ASAP2: variants seen among roughly 807,000 people sequenced by gnomAD.
The protein encoded by ASAP2 is ArfGAP with SH3 domain, ankyrin repeat and PH domain 2, also known as arf-GAP with SH3 domain, ANK repeat and PH domain-containing protein 2.
Under a neutral mutation model 131.4 loss-of-function variants are expected in ASAP2, and 45 were observed. The ratio of observed to expected loss-of-function variants is 0.34; its 90% CI spans 0.27 to 0.44. The LOEUF (loss-of-function observed/expected upper bound fraction) is 0.44, where lower values mean the gene tolerates loss of function less well. Among genes scored for constraint, ASAP2 ranks in the 20% least tolerant of loss-of-function variants. The probability of loss-of-function intolerance (pLI) is 1.00; values close to 1 mark genes in which losing one functional copy is unlikely to be tolerated. For missense variants in ASAP2, 1,011 were observed against 1,297.0 expected (o/e 0.78, Z 3.39); for synonymous variants, 510 against 503.0 (o/e 1.01, Z -0.19).
chr2:9,348,721 T>G (rs1672137195), intron 11 of ASAP2, among the ~76,000 whole-genome samples: 1 of 152,226 alleles, frequency 6.6e-6, no homozygotes, highest in Non-Finnish European at 1.5e-5. Context: ...TTCTCTATTT[T>G]GTGGTATGCT....
At chr2:9,387,792 G>A (rs1029704420) in intron 21 of ASAP2, among the ~76,000 whole-genome samples, 4 of 152,134 alleles carry the variant, frequency 2.6e-5, no homozygotes, top group African/African-American at 9.7e-5. Flanking sequence ...CCTGAGACTG[G>A]GTAGTTTATA....
At chr2:9,337,310 T>A (rs10208656) in intron 9 of ASAP2, among the ~76,000 whole-genome samples, 1 of 152,216 alleles carries the variant, frequency 6.6e-6, no homozygotes, top group African/African-American at 2.4e-5. Context: ...TTGGACAATC[T>A]TTGAACACAG....
At chr2:9,398,282 G>A (rs1280149700) in intron 24 of ASAP2, among the ~76,000 whole-genome samples, 1 of 151,788 alleles carries the variant, frequency 6.6e-6, no homozygotes, top group African/African-American at 2.4e-5. Flanking sequence ...GGCCGAGGCA[G>A]GAGGATTGCT....
intron 1 of ASAP2, among the ~76,000 whole-genome samples, chr2:9,222,164 C>T (rs140498084): frequency 2.0e-5 from 3 of 152,308 alleles, no homozygotes; most frequent in East Asian, 1.9e-4. Context: ...AGAATAGGTG[C>T]TCAGTAACTT....
chr2:9,302,169 CTTTTTT>C (rs57906310), intron 3 of ASAP2, among the ~76,000 whole-genome samples: 1 of 82,920 alleles, frequency 1.2e-5, no homozygotes, highest in East Asian at 2.9e-4. Flanking sequence ...AGTTAGAAGC[CTTTTTT>C]TTTTTTTTTT....
At chr2:9,391,830 C>T (rs961257609) in intron 23 of ASAP2, among the ~76,000 whole-genome samples, 1 of 151,852 alleles carries the variant, frequency 6.6e-6, no homozygotes, top group Non-Finnish European at 1.5e-5. Flanking sequence ...GGTGATCCAC[C>T]TGCCTCAGCC....
intron 2 of ASAP2, among the ~76,000 whole-genome samples, chr2:9,289,251 G>C (rs1056311169): frequency 1.1e-4 from 16 of 152,262 alleles, no homozygotes; most frequent in Non-Finnish European, 2.1e-4. Flanking sequence ...CACACCAAGC[G>C]CCTTGAATTC....
At chr2:9,275,285 G>A (rs905427644) in intron 1 of ASAP2, among the ~76,000 whole-genome samples, 2 of 152,038 alleles carry the variant, frequency 1.3e-5, no homozygotes, top group Admixed American at 6.5e-5. Flanking sequence ...GGCCAGGCTG[G>A]TCTCAAGCTC....
At chr2:9,320,506 GTCT>G (rs948726121) in intron 5 of ASAP2, among the ~76,000 whole-genome samples, 169 bp downstream of exon 5, 22 of 152,302 alleles carry the variant, frequency 1.4e-4, no homozygotes, top group African/African-American at 4.3e-4. Flanking sequence ...TGGTGATGCT[GTCT>G]TCTTCTTCTA....
intron 1 of ASAP2, among the ~76,000 whole-genome samples, chr2:9,270,784 C>CTTTTTTTTTTTTTTTT (rs1666294703): frequency 1.6e-4 from 11 of 69,728 alleles, no homozygotes; most frequent in Non-Finnish European, 2.8e-4. Context: ...CAATTGTTTT[C>CTTTTTTTTTTTTTTTT]ATTTTTTTTT....
chr2:9,244,852 T>G (rs984212521), intron 1 of ASAP2, among the ~76,000 whole-genome samples: 1 of 152,198 alleles, frequency 6.6e-6, no homozygotes, highest in Non-Finnish European at 1.5e-5. Context: ...TTCTGAGGCA[T>G]CATAAAAATC....
At chr2:9,350,686 G>A in intron 11 of ASAP2, 122 bp from the exon 12 acceptor site, 1 of 745,488 alleles carries the variant, frequency 1.3e-6, no homozygotes, top group Non-Finnish European at 2.1e-6. Context: ...AAGTCTGAAG[G>A]CCACCTTTGC....
In ASAP2 at chr2:9,221,639, A is replaced by G. The variant is rs554307876; in HGVS notation, c.126+14409A>G. On this transcript the variant is annotated intron_variant, in intron 1 of 27. Transcript: ENST00000281419. The stretch of plus-strand genomic sequence containing the variant: ...ATAGAAATATGGTTACTTTTTGTAT[A>G]TTGATCTTATGGCCTACAATTTGCT... 2.0e-5 allele frequency among the ~76,000 whole-genome samples: 3 copies of G among 152,180 alleles called. No individual in the cohort carries two copies. In the South Asian group the frequency reaches 6.2e-4, roughly 32 times the overall value.
At chr2:9,224,289 C>T (rs1232997383) in intron 1 of ASAP2, among the ~76,000 whole-genome samples, 3 of 152,108 alleles carry the variant, frequency 2.0e-5, no homozygotes. Flanking sequence ...ATCCAGAGAT[C>T]CCCCTGTTTG....
chr2:9,270,077 T>C (rs1666232904), intron 1 of ASAP2, among the ~76,000 whole-genome samples: 1 of 152,214 alleles, frequency 6.6e-6, no homozygotes, highest in South Asian at 2.1e-4. Context: ...CATCCCCCTC[T>C]CTGGTTTTTG....
At chr2:9,391,829 C>A (rs1410162679) in intron 23 of ASAP2, among the ~76,000 whole-genome samples, 1 of 151,726 alleles carries the variant, frequency 6.6e-6, no homozygotes, top group African/African-American at 2.4e-5. Flanking sequence ...AGGTGATCCA[C>A]CTGCCTCAGC....
chr2:9,291,307 C>T (rs1667791720), intron 2 of ASAP2, among the ~76,000 whole-genome samples: 1 of 152,124 alleles, frequency 6.6e-6, no homozygotes, highest in African/African-American at 2.4e-5. Context: ...AATATGTTTT[C>T]AGCCGTTTAG....
At chr2:9,386,735 A>G (rs908415425) in intron 21 of ASAP2, among the ~76,000 whole-genome samples, 3 of 152,242 alleles carry the variant, frequency 2.0e-5, no homozygotes, top group Admixed American at 6.5e-5. Context: ...AGCACCTGCT[A>G]AGCACCTGGC....
intron 24 of ASAP2, among the ~76,000 whole-genome samples, chr2:9,397,407 G>C (rs896583467): frequency 6.6e-6 from 1 of 152,178 alleles, no homozygotes; most frequent in African/African-American, 2.4e-5. Flanking sequence ...GCAGGAAAAA[G>C]GGAAGCAGGG....
Sources: gnomAD v4.1 joint callset for allele counts (sites outside exome capture counted in the v4.1 genomes callset) on GRCh38, gnomAD v4.1.1 for gene constraint, MANE v1.5 for transcripts, NCBI Gene and HGNC (gene_info 2026-07-23, HGNC 2026-07-21) for gene names.